The following EFCAB6 variants were observed in gnomAD, a reference collection of about 807,000 sequenced individuals.
EFCAB6 encodes the protein EF-hand calcium-binding domain-containing protein 6.
EFCAB6 carries 156 observed loss-of-function variants against 169.8 expected under a neutral mutation model. The observed-to-expected ratio is 0.92, with a 90% CI of 0.81 to 1.05. The LOEUF (loss-of-function observed/expected upper bound fraction) is 1.05. Ranked by LOEUF, EFCAB6 falls within the 50% of genes least tolerant of loss-of-function variation. The pLI, the probability that EFCAB6 is intolerant of heterozygous loss-of-function variation, is 0.00. For missense variants in EFCAB6, 1,800 were observed against 1,829.1 expected (o/e 0.98, Z 0.29); for synonymous variants, 698 against 676.4 (o/e 1.03, Z -0.50).
At chr22:43,640,531 T>G (rs1196443254) in intron 17 of EFCAB6, among the ~76,000 whole-genome samples, 2 of 152,176 alleles carry the variant, frequency 1.3e-5, no homozygotes, top group Non-Finnish European at 2.9e-5. Context: ...TCTCTGGATC[T>G]CTCCTTTTCA....
chr22:43,626,178 CGTAT>C (rs2054506775), intron 20 of EFCAB6, among the ~76,000 whole-genome samples: 2 of 151,952 alleles, frequency 1.3e-5, no homozygotes, highest in African/African-American at 4.8e-5. Context: ...GTCACACACA[CGTAT>C]GTAAGTATAT....
At chr22:43,604,143 C>T (rs937637193) in intron 22 of EFCAB6, among the ~76,000 whole-genome samples, 7 of 152,128 alleles carry the variant, frequency 4.6e-5, no homozygotes, top group Non-Finnish European at 8.8e-5. Flanking sequence ...ACTTCCTGTA[C>T]AGCCTGTGGA....
At chr22:43,773,144 C>T in intron 3 of EFCAB6, 41 bp from the exon 4 acceptor site, 1 of 1,593,460 alleles carries the variant, frequency 6.3e-7, no homozygotes, top group Non-Finnish European at 8.6e-7. Flanking sequence ...ATGTTTAAAG[C>T]CAAGATACTA....
intron 20 of EFCAB6, among the ~76,000 whole-genome samples, chr22:43,624,013 G>A (rs983538617): frequency 6.6e-6 from 1 of 152,088 alleles, no homozygotes; most frequent in Admixed American, 6.5e-5. Context: ...GGCAGAGGAG[G>A]TGGCCCCTCC....
rs2063128625 is a variant in EFCAB6, at chr22:43,811,519, A to G, written c.-145+649T>C. Among the ~76,000 whole-genome samples the G allele has an allele frequency of 2.0e-5, 3 of 152,246 alleles. No individual in the cohort carries two copies. In the South Asian group the frequency reaches 6.2e-4, roughly 31 times the overall value. On this transcript the variant is annotated intron_variant, in intron 1 of 31. Coordinates refer to ENST00000262726, the MANE Select transcript of EFCAB6 (RefSeq NM_022785.4). ...AGAGGGGTGATTTGGACAACCTTCA[A>G]GTAAGCCCTATACAGATGTATACCT...
intron 7 of EFCAB6, among the ~76,000 whole-genome samples, chr22:43,732,506 T>C (rs1382695632): frequency 1.3e-5 from 2 of 150,782 alleles, no homozygotes; most frequent in Non-Finnish European, 3.0e-5. Context: ...CTCGCTCTGT[T>C]GCCCAGGCTA....
intron 21 of EFCAB6, among the ~76,000 whole-genome samples, chr22:43,612,810 C>T (rs1465486229): frequency 6.6e-6 from 1 of 151,822 alleles, no homozygotes; most frequent in East Asian, 1.9e-4. Flanking sequence ...ATGAGGATCA[C>T]TTTAACCTGG....
chr22:43,633,363 C>A (rs2055126050), intron 18 of EFCAB6, among the ~76,000 whole-genome samples: 1 of 152,204 alleles, frequency 6.6e-6, no homozygotes, highest in African/African-American at 2.4e-5. Flanking sequence ...TCCTGGCCAA[C>A]ATGGTGAAAC....
intron 6 of EFCAB6, 92 bp from the exon 7 acceptor site, chr22:43,736,085 T>G: frequency 4.0e-6 from 5 of 1,256,116 alleles, no homozygotes; most frequent in Non-Finnish European, 5.3e-6. Flanking sequence ...TTAATACTTT[T>G]TATAAAATAA....
chr22:43,642,091 G>A (rs911920003), intron 17 of EFCAB6, among the ~76,000 whole-genome samples: 5 of 152,086 alleles, frequency 3.3e-5, no homozygotes, highest in Non-Finnish European at 5.9e-5. Flanking sequence ...ACAGGCATGC[G>A]ACACCACACC....
chr22:43,612,932 G>A (rs1181001531), intron 21 of EFCAB6, among the ~76,000 whole-genome samples: 1 of 11,232 alleles, frequency 8.9e-5, no homozygotes, highest in Non-Finnish European at 1.9e-4. Context: ...AACAGATGCT[G>A]TAAAGTTGCA....
chr22:43,620,554 A>G (rs2147776914), intron 20 of EFCAB6, among the ~76,000 whole-genome samples: 1 of 152,252 alleles, frequency 6.6e-6, no homozygotes, highest in African/African-American at 2.4e-5. Flanking sequence ...AACTAAGACA[A>G]TTTGTCTCCA....
intron 19 of EFCAB6, among the ~76,000 whole-genome samples, chr22:43,629,886 G>C (rs916462643): frequency 1.3e-4 from 20 of 152,306 alleles, no homozygotes; most frequent in African/African-American, 4.6e-4. Context: ...ACATGGATGA[G>C]ACAATCCTGC....
chr22:43,718,415 G>C (rs1223920671), intron 8 of EFCAB6, among the ~76,000 whole-genome samples: 2 of 152,006 alleles, frequency 1.3e-5, no homozygotes, highest in Non-Finnish European at 2.9e-5. Context: ...CTATTTCCTA[G>C]CTCCAAAAAA....
At chr22:43,643,926 C>T (rs2055974613) in intron 17 of EFCAB6, among the ~76,000 whole-genome samples, 1 of 151,962 alleles carries the variant, frequency 6.6e-6, no homozygotes, top group Non-Finnish European at 1.5e-5. Context: ...CGGGTTCACA[C>T]CATTCTCCTG....
intron 20 of EFCAB6, among the ~76,000 whole-genome samples, chr22:43,621,415 A>G (rs2054107152): frequency 6.6e-6 from 1 of 152,066 alleles, no homozygotes; most frequent in Non-Finnish European, 1.5e-5. Context: ...ACATGATGCA[A>G]ATATTTTGAA....
intron 7 of EFCAB6, among the ~76,000 whole-genome samples, chr22:43,733,760 G>A (rs1352034470): frequency 6.6e-6 from 1 of 152,112 alleles, no homozygotes; most frequent in East Asian, 1.9e-4. Context: ...CCAGGCTGGA[G>A]TGCAGTGGTG....
At chr22:43,756,220 T>C (rs952929003) in intron 5 of EFCAB6, among the ~76,000 whole-genome samples, 1 of 152,140 alleles carries the variant, frequency 6.6e-6, no homozygotes, top group Non-Finnish European at 1.5e-5. Context: ...GGGATCTTAA[T>C]AGATGAGGAA....
intron 27 of EFCAB6, among the ~76,000 whole-genome samples, chr22:43,546,914 T>C (rs947073898): frequency 6.6e-6 from 1 of 151,118 alleles, no homozygotes; most frequent in African/African-American, 2.4e-5. Flanking sequence ...AAGTCTCTAC[T>C]CAGAAAAGTT....
Sources: gnomAD v4.1 joint callset for allele counts (sites outside exome capture counted in the v4.1 genomes callset) on GRCh38, gnomAD v4.1.1 for gene constraint, MANE v1.5 for transcripts, NCBI Gene and HGNC (gene_info 2026-07-23, HGNC 2026-07-21) for gene names.